PSD3: variants seen among roughly 807,000 people sequenced by gnomAD.
PSD3 encodes pleckstrin and Sec7 domain containing 3.
In PSD3, 49 loss-of-function variants were observed where a neutral mutation model predicts 105.5. That is an observed-to-expected ratio of 0.46 (90% CI 0.37 to 0.59). PSD3 has a LOEUF of 0.59. PSD3 is among the 20% of genes least tolerant of loss of function. PSD3 has a pLI of 0.00. For missense variants in PSD3, 1,561 were observed against 1,263.8 expected (o/e 1.24, Z -3.57); for synonymous variants, 557 against 457.8 (o/e 1.22, Z -2.77).
At chr8:18,854,726 T>C (rs938555072) in intron 4 of PSD3, among the ~76,000 whole-genome samples, 1 of 152,238 alleles carries the variant, frequency 6.6e-6, no homozygotes, top group Admixed American at 6.5e-5. Flanking sequence ...CTCTGTTAAA[T>C]TCACACTTGA....
intron 9 of PSD3, among the ~76,000 whole-genome samples, chr8:18,715,766 C>T (rs1356850924): frequency 6.6e-6 from 1 of 152,184 alleles, no homozygotes; most frequent in Non-Finnish European, 1.5e-5. Flanking sequence ...AACCCCATTG[C>T]AATCTGCAAT....
At chr8:18,966,073 C>A (rs962285924) in intron 1 of PSD3, among the ~76,000 whole-genome samples, 1 of 152,146 alleles carries the variant, frequency 6.6e-6, no homozygotes, top group South Asian at 2.1e-4. Flanking sequence ...ATAACTTTTC[C>A]CAGGATTACA....
At chr8:18,790,703 C>G (rs183860769) in intron 8 of PSD3, among the ~76,000 whole-genome samples, 2 of 151,950 alleles carry the variant, frequency 1.3e-5, no homozygotes, top group African/African-American at 4.8e-5. Flanking sequence ...TGAAAATGAA[C>G]GCCAGGCCCC....
chr8:18,810,675 A>G (rs753181512), intron 4 of PSD3, among the ~76,000 whole-genome samples: 4 of 152,238 alleles, frequency 2.6e-5, no homozygotes, highest in African/African-American at 4.8e-5. Context: ...ATAGAAAATA[A>G]TAACAGCCAC....
At position 18,749,511 on chromosome 8, in the gene PSD3, T is replaced by G. The variant is rs552368388; in HGVS notation, c.2172+15938A>C. On this transcript the variant is annotated intron_variant, in intron 9 of 15. Coordinates refer to ENST00000327040, the MANE Select transcript of PSD3 (RefSeq NM_015310.4). ...CCTTGATGATTTAATCAAATGTTCA[T>G]CTAGCCACTGCTAAGAAGGCACACG... 5.3e-5 allele frequency among the ~76,000 whole-genome samples: 8 copies of G among 152,344 alleles called. 1 individual carries two copies. The highest frequency in any genetic ancestry group is 1.4e-4 in the African/African-American group (6 of 41,568).
intron 1 of PSD3, among the ~76,000 whole-genome samples, chr8:18,957,896 T>G (rs1823676999): frequency 1.3e-5 from 2 of 152,162 alleles, no homozygotes; most frequent in African/African-American, 2.4e-5. Context: ...GCCAGAACAC[T>G]TCAGATATTT....
chr8:18,820,658 T>TTA (rs1188839770), intron 4 of PSD3, among the ~76,000 whole-genome samples: 2 of 152,234 alleles, frequency 1.3e-5, no homozygotes, highest in Admixed American at 6.5e-5. Context: ...TCTTTTTTTT[T>TTA]AAATCTATTT....
At chr8:18,725,208 C>T (rs985446511) in intron 9 of PSD3, among the ~76,000 whole-genome samples, 9 of 152,110 alleles carry the variant, frequency 5.9e-5, no homozygotes, top group South Asian at 2.1e-4. Context: ...TCTAACGCGA[C>T]GCAAGCCCCC....
intron 2 of PSD3, among the ~76,000 whole-genome samples, chr8:18,932,209 AGAT>A (rs1563434934): frequency 2.0e-5 from 3 of 152,200 alleles, no homozygotes; most frequent in African/African-American, 7.2e-5. Context: ...CCTATTTTAC[AGAT>A]GAAGAAACTG....
intron 6 of PSD3, among the ~76,000 whole-genome samples, chr8:18,802,642 A>G (rs1349167391): frequency 6.6e-6 from 1 of 152,158 alleles, no homozygotes; most frequent in African/African-American, 2.4e-5. Context: ...ACGATAAATC[A>G]CTGCAGTACT....
chr8:18,843,936 C>A (rs1814860208), intron 4 of PSD3, among the ~76,000 whole-genome samples: 2 of 139,220 alleles, frequency 1.4e-5, no homozygotes. Flanking sequence ...TTTTTTTTTA[C>A]CCAAGGCAAT....
Position 18,556,201 on chromosome 8 carries a change from C to G in PSD3, c.2928+8G>C. The stretch of plus-strand genomic sequence containing the variant: ...ATCAGCATTTACTAACATTTGGGTG[C>G]AACACACCTCAAACTCCAGATAGTG... On this transcript the variant is annotated splice_region_variant and intron_variant, in intron 15 of 15. Coordinates refer to ENST00000327040, the MANE Select transcript of PSD3 (RefSeq NM_015310.4). 1.9e-6 allele frequency: 3 copies of G among 1,613,074 alleles called. No individual in the cohort carries two copies. Among genetic ancestry groups the G allele is most frequent in the Non-Finnish European group, 2.5e-6 (3 of 1,179,590 alleles).
intron 12 of PSD3, among the ~76,000 whole-genome samples, chr8:18,579,690 A>C (rs2717716): frequency 1.6e-4 from 24 of 152,002 alleles, no homozygotes; most frequent in African/African-American, 5.8e-4. Context: ...CATCATCTAC[A>C]TATGTACAAA....
At chr8:18,856,111 C>G (rs573017714) in intron 4 of PSD3, among the ~76,000 whole-genome samples, 3 of 152,246 alleles carry the variant, frequency 2.0e-5, no homozygotes, top group African/African-American at 7.2e-5. Flanking sequence ...TGGCATGTCA[C>G]CCTGCTCCAC....
At chr8:18,850,677 G>C (rs1815491261) in intron 4 of PSD3, among the ~76,000 whole-genome samples, 1 of 152,138 alleles carries the variant, frequency 6.6e-6, no homozygotes, top group Non-Finnish European at 1.5e-5. Context: ...GAAAAGGAAA[G>C]ATAGTCACTA....
At chr8:18,911,144 G>C (rs139857278) in intron 2 of PSD3, among the ~76,000 whole-genome samples, 3 of 152,214 alleles carry the variant, frequency 2.0e-5, no homozygotes, top group African/African-American at 7.2e-5. Context: ...AAAAGAGGGA[G>C]TGTTTTCGGT....
intron 9 of PSD3, among the ~76,000 whole-genome samples, chr8:18,737,891 G>T (rs1313457037): frequency 1.3e-5 from 2 of 152,134 alleles, no homozygotes; most frequent in Non-Finnish European, 2.9e-5. Context: ...TTGCAAGTAT[G>T]CCCTTGCACA....
chr8:18,788,071 C>T (rs1022867720), intron 8 of PSD3, among the ~76,000 whole-genome samples: 2 of 152,122 alleles, frequency 1.3e-5, no homozygotes, highest in African/African-American at 4.8e-5. Context: ...CAGAAACAAG[C>T]CCCAGATGGA....
rs1312579106 is a variant in PSD3, at chr8:18,683,888, C to T, written c.2173-28203G>A. ...AGTATTTCACGGAACCTGAGGTCCT[C>T]ACCCGTACCTTGCTGGCACTCTGGA... is the stretch of plus-strand genomic sequence containing the variant. On this transcript the variant is annotated intron_variant, in intron 9 of 15. Coordinates refer to ENST00000327040, the MANE Select transcript of PSD3 (RefSeq NM_015310.4). The T allele has an allele frequency of 7.8e-6, 6 of 765,302 alleles. No homozygotes were observed. In the East Asian group the frequency reaches 9.7e-5, roughly 12 times the overall value. 47.4% of individuals were successfully genotyped at this position (765,302 alleles called of 1,614,324 possible). A position where few individuals can be genotyped will look rare whatever the true frequency, so the allele number is the denominator to read the frequency against.
Sources: gnomAD v4.1 joint callset for allele counts (sites outside exome capture counted in the v4.1 genomes callset) on GRCh38, gnomAD v4.1.1 for gene constraint, MANE v1.5 for transcripts, NCBI Gene and HGNC (gene_info 2026-07-23, HGNC 2026-07-21) for gene names.